PREP: variants seen among roughly 807,000 people sequenced by gnomAD.
PREP encodes dJ355L5.1 (prolyl endopeptidase).
PREP carries 29 observed loss-of-function variants against 87.6 expected under a neutral mutation model. The observed-to-expected ratio is 0.33, with a 90% CI of 0.25 to 0.45. PREP has a LOEUF of 0.45. Among genes scored for constraint, PREP ranks in the 20% least tolerant of loss-of-function variants. The pLI is 1.00. For synonymous variants in PREP, 337 were observed against 328.6 expected, an observed-to-expected ratio of 1.03 and a Z score of -0.28; for missense variants, 695 against 886.5, an observed-to-expected ratio of 0.78 and a Z score of 2.74.
chr6:105,377,780 A>G (rs1772726007), intron 2 of PREP, among the ~76,000 whole-genome samples: 1 of 152,226 alleles, frequency 6.6e-6, no homozygotes, highest in Admixed American at 6.5e-5. Context: ...TAACTTATTT[A>G]GAACTCACAA....
chr6:105,324,137 C>CA (rs892174547), intron 9 of PREP, among the ~76,000 whole-genome samples: 3 of 151,960 alleles, frequency 2.0e-5, no homozygotes, highest in African/African-American at 7.3e-5. Flanking sequence ...GAATGCAGGT[C>CA]AAAAAAATGG....
In PREP at chr6:105,282,445, A is replaced by G; in HGVS notation, c.1681+6T>C. The G allele has an allele frequency of 1.2e-6, 2 of 1,612,700 alleles. No homozygotes were observed. The highest frequency in any genetic ancestry group is 8.5e-7 in the Non-Finnish European group (1 of 1,179,552). On this transcript the variant is annotated splice_donor_region_variant and intron_variant, in intron 13 of 14. Transcript: ENST00000652536. ...GTAAGTGCAATGAATAAAATCCAGT[A>G]CTCACCCACTAAGAGGCCTCCATTT... is the stretch of plus-strand genomic sequence containing the variant.
intron 10 of PREP, among the ~76,000 whole-genome samples, chr6:105,300,942 T>C (rs1770520784): frequency 6.6e-6 from 1 of 152,256 alleles, no homozygotes; most frequent in Non-Finnish European, 1.5e-5. Context: ...ATCAACTGTC[T>C]CTCTTGAAAT....
At chr6:105,345,839 G>A (rs1583070818) in intron 7 of PREP, among the ~76,000 whole-genome samples, 1 of 152,206 alleles carries the variant, frequency 6.6e-6, no homozygotes, top group East Asian at 1.9e-4. Flanking sequence ...CTCGGAAGCT[G>A]TTGAGAAGAC....
In PREP at chr6:105,375,995, T is replaced by C. The variant is rs149854468; in HGVS notation, c.385+130A>G. 44 of 1,084,230 alleles carry C rather than the reference T, an allele frequency of 4.1e-5. No individual in the cohort carries two copies. The African/African-American group carries it at 5.7e-4, about 14-fold the overall frequency. The allele number at this position is 1,084,230 out of a possible 1,614,324, so 67.2% of individuals were successfully genotyped here. On this transcript the variant is annotated intron_variant, in intron 4 of 14. Coordinates refer to ENST00000652536, the MANE Select transcript of PREP (RefSeq NM_002726.5). The stretch of plus-strand genomic sequence containing the variant: ...GTGCAAAAATTAGCTTTCCTGATAT[T>C]GTATGTGCATCTGTTCCACAATATG...
At chr6:105,392,755 T>G (rs1226271297) in intron 2 of PREP, among the ~76,000 whole-genome samples, 1 of 152,146 alleles carries the variant, frequency 6.6e-6, no homozygotes, top group Admixed American at 6.5e-5. Flanking sequence ...TTTTGTATTT[T>G]TAGTAGAGAT....
chr6:105,362,711 G>C (rs1772286072), intron 6 of PREP, among the ~76,000 whole-genome samples: 2 of 152,288 alleles, frequency 1.3e-5, no homozygotes, highest in South Asian at 4.1e-4. Flanking sequence ...TATCAGCACG[G>C]TGAATATTAT....
chr6:105,289,200 T>C lies in PREP; in HGVS notation c.1318-306A>G, dbSNP rs527429344. 1.6e-4 allele frequency among the ~76,000 whole-genome samples: 24 copies of C among 152,180 alleles called. 1 individual carries two copies. The highest frequency in any genetic ancestry group is 3.2e-4 in the Non-Finnish European group (22 of 68,012). The stretch of plus-strand genomic sequence containing the variant: ...AGCCTCAATTCTGCATCCCCACATG[T>C]GGCCATCGTGCCCACCTCTCCAGGC... On this transcript the variant is annotated intron_variant, in intron 10 of 14. Transcript: ENST00000652536.
intron 6 of PREP, 64 bp from the exon 7 acceptor site, chr6:105,353,141 G>T: frequency 7.6e-7 from 1 of 1,307,804 alleles, no homozygotes; most frequent in Non-Finnish European, 1.1e-6. Context: ...GAACATTATT[G>T]AATATTAAGT....
chr6:105,288,563 G>T (rs1770236208), intron 11 of PREP, among the ~76,000 whole-genome samples, 195 bp downstream of exon 11: 1 of 152,128 alleles, frequency 6.6e-6, no homozygotes, highest in South Asian at 2.1e-4. Flanking sequence ...CACCATGTTG[G>T]TCAGGCTGGT....
intron 6 of PREP, among the ~76,000 whole-genome samples, chr6:105,358,589 A>C (rs1304288100): frequency 6.6e-6 from 1 of 152,090 alleles, no homozygotes; most frequent in Non-Finnish European, 1.5e-5. Context: ...GAGGTTATTA[A>C]AAAAACAGCC....
chr6:105,388,326 A>C (rs551106237), intron 2 of PREP, among the ~76,000 whole-genome samples: 18 of 152,348 alleles, frequency 1.2e-4, no homozygotes, highest in Admixed American at 1.2e-3. Context: ...ATGCTGGGTG[A>C]AAAGTGACAT....
In PREP at chr6:105,395,808, C is replaced by A. The variant is rs1773273077; in HGVS notation, c.120+2045G>T. 2.0e-5 allele frequency among the ~76,000 whole-genome samples: 3 copies of A among 152,330 alleles called. No homozygotes were observed. The East Asian group carries it at 5.8e-4, about 29-fold the overall frequency. On this transcript the variant is annotated intron_variant, in intron 2 of 14. Coordinates refer to ENST00000652536, the MANE Select transcript of PREP (RefSeq NM_002726.5). ...AAGGCTGTAGAAATCCAGGTTATAG[C>A]CGATACTTCAGGTGAAGAAATCATC...
At chr6:105,375,909 C>T (rs189866171) in intron 4 of PREP, among the ~76,000 whole-genome samples, 2 of 152,340 alleles carry the variant, frequency 1.3e-5, no homozygotes, top group African/African-American at 4.8e-5. Context: ...TTTTCCAGTT[C>T]TGCTTCATGC....
intron 7 of PREP, among the ~76,000 whole-genome samples, chr6:105,348,577 G>T (rs905012564): frequency 6.6e-6 from 1 of 152,178 alleles, no homozygotes; most frequent in South Asian, 2.1e-4. Flanking sequence ...GGAGAGAAAG[G>T]TATCTATCAA....
At chr6:105,280,229 G>A (rs1343568752) in intron 14 of PREP, among the ~76,000 whole-genome samples, 1 of 152,186 alleles carries the variant, frequency 6.6e-6, no homozygotes, top group African/African-American at 2.4e-5. Context: ...CTTGTACCCA[G>A]GAGGCGATGT....
At chr6:105,279,491 T>C (rs1770025647) in intron 14 of PREP, among the ~76,000 whole-genome samples, 1 of 152,246 alleles carries the variant, frequency 6.6e-6, no homozygotes, top group Non-Finnish European at 1.5e-5. Flanking sequence ...GAGATTCACA[T>C]GCAATATTTA....
chr6:105,322,972 C>T, intron 10 of PREP: 1 of 1,296,788 alleles, frequency 7.7e-7, no homozygotes, highest in South Asian at 1.2e-5. Flanking sequence ...CTGTGTGGTC[C>T]AGCCCTCCAG....
rs535786210 is a variant in PREP, at chr6:105,302,060, C to T, written c.1318-13166G>A. ...ACACACAGGGCTAGGATGAATAAAT[C>T]TGACTTGATTGTAGAACATCAAAGC... On this transcript the variant is annotated intron_variant, in intron 10 of 14. Coordinates refer to ENST00000652536, the MANE Select transcript of PREP (RefSeq NM_002726.5). 7.2e-5 allele frequency among the ~76,000 whole-genome samples: 11 copies of T among 152,316 alleles called. No homozygotes were observed. The South Asian group carries it at 2.3e-3, about 32-fold the overall frequency.
Sources: allele counts gnomAD v4.1 joint callset (sites outside exome capture counted in the v4.1 genomes callset), GRCh38; gene constraint gnomAD v4.1.1; transcripts MANE v1.5; gene names NCBI Gene and HGNC (gene_info 2026-07-23, HGNC 2026-07-21).